The following KIRREL3 variants were observed in gnomAD, a reference collection of about 807,000 sequenced individuals.
KIRREL3 encodes the protein kin of IRRE-like protein 3.
In KIRREL3, 36 loss-of-function variants were observed where a neutral mutation model predicts 89.7. That is an observed-to-expected ratio of 0.40 (90% CI 0.31 to 0.53). KIRREL3 has a LOEUF of 0.53. Ranked by LOEUF, KIRREL3 falls within the 20% of genes least tolerant of loss-of-function variation. KIRREL3 has a pLI of 0.49. For missense variants in KIRREL3, 864 were observed against 1,056.6 expected, an observed-to-expected ratio of 0.82 and a Z score of 2.53; for synonymous variants, 445 against 441.4, an observed-to-expected ratio of 1.01 and a Z score of -0.10.
chr11:126,744,797 C>T lies in KIRREL3; in HGVS notation c.56-181885G>A, dbSNP rs1949089890. Among the ~76,000 whole-genome samples the T allele has an allele frequency of 1.3e-5, 2 of 151,556 alleles. 1 individual carries two copies. The highest frequency in any genetic ancestry group is 4.2e-4 in the South Asian group (2 of 4,798). ...GCCTTCCCTGCTAGAATATAGGCTT[C>T]ATGAGGCAGGTACTGTATTTGCCCT... is the stretch of plus-strand genomic sequence containing the variant. On this transcript the variant is annotated intron_variant, in intron 1 of 16. Coordinates refer to ENST00000525144, the MANE Select transcript of KIRREL3 (RefSeq NM_032531.4). The surrounding 1 kb of genome is among the most constrained non-coding windows in gnomAD (Gnocchi z 4.7).
intron 1 of KIRREL3, among the ~76,000 whole-genome samples, chr11:126,849,586 C>T (rs934010755): frequency 2.0e-5 from 3 of 152,128 alleles, no homozygotes; most frequent in Non-Finnish European, 4.4e-5. Context: ...CTTTCTATTT[C>T]TCCTGTCCCT....
At chr11:126,425,784 A>G in intron 15 of KIRREL3, 60 bp from the exon 16 acceptor site, 1 of 1,342,106 alleles carries the variant, frequency 7.5e-7, no homozygotes, top group Non-Finnish European at 1.0e-6. Context: ...ACTTCCCCCA[A>G]GGAAAAGATG....
Position 126,652,797 on chromosome 11 carries a change from G to A in KIRREL3, c.56-89885C>T, listed in dbSNP as rs965984356. ...ACTTTCCAGGCAATTCACCAGGACAGAGGCCTTTCAACTTTCCTCCCTGAG... is the reference window on the plus strand; with the variant it reads ...ACTTTCCAGGCAATTCACCAGGACAAAGGCCTTTCAACTTTCCTCCCTGAG... On this transcript the variant is annotated intron_variant, in intron 1 of 16. Transcript: ENST00000525144. The surrounding 1 kb of genome is among the most constrained non-coding windows in gnomAD (Gnocchi z 4.9). The A allele has an allele frequency of 2.0e-5, 3 of 152,134 alleles. No homozygotes were observed. The highest frequency in any genetic ancestry group is 4.4e-5 in the Non-Finnish European group (3 of 68,050). The allele number at this position is 152,134 out of a possible 1,614,324, so 9.4% of individuals were successfully genotyped here. A position where few individuals can be genotyped will look rare whatever the true frequency, so the allele number is the denominator to read the frequency against.
intron 1 of KIRREL3, among the ~76,000 whole-genome samples, chr11:126,932,598 C>T (rs780536315): frequency 7.9e-5 from 12 of 152,236 alleles, no homozygotes; most frequent in South Asian, 4.1e-4. Context: ...CTGTCTTGGA[C>T]GGTCCCTGCT....
At chr11:126,499,622 T>A (rs192895463) in intron 4 of KIRREL3, among the ~76,000 whole-genome samples, 1 of 152,268 alleles carries the variant, frequency 6.6e-6, no homozygotes, top group Admixed American at 6.5e-5. Flanking sequence ...ACGCCAAACA[T>A]CCCAAACGCT....
chr11:126,935,357 C>T (rs1228434714), intron 1 of KIRREL3: 1 of 151,596 alleles, frequency 6.6e-6, no homozygotes, highest in Non-Finnish European at 1.5e-5. Context: ...CTATATGTTC[C>T]AGCAGTTATT....
At chr11:126,458,365 T>G (rs1307846943) in intron 6 of KIRREL3, among the ~76,000 whole-genome samples, 1 of 152,238 alleles carries the variant, frequency 6.6e-6, no homozygotes, top group Non-Finnish European at 1.5e-5. Context: ...CCAGTTGGTC[T>G]GGGCTCTGGT....
In KIRREL3 at chr11:126,692,206, C is replaced by T. The variant is rs139141155; in HGVS notation, c.56-129294G>A. Among the ~76,000 whole-genome samples the T allele has an allele frequency of 8.5e-3, 1,290 of 152,154 alleles. 6 individuals are homozygous for T. The highest frequency in any genetic ancestry group is 0.011 in the Non-Finnish European group (724 of 68,014). On this transcript the variant is annotated intron_variant, in intron 1 of 16. Transcript: ENST00000525144. ...AAACATTAAAAGCAGGGTGTCGATT[C>T]GCACACCCACGTTCACAGCCACACT...
At chr11:126,895,474 A>T (rs1021388238) in intron 1 of KIRREL3, among the ~76,000 whole-genome samples, 16 of 151,682 alleles carry the variant, frequency 1.1e-4, no homozygotes, top group Non-Finnish European at 4.4e-5. Flanking sequence ...AAAAAAGGAA[A>T]AAAGAAAGAA....
intron 1 of KIRREL3, among the ~76,000 whole-genome samples, chr11:126,707,811 C>T (rs751234576): frequency 6.7e-6 from 1 of 149,632 alleles, no homozygotes; most frequent in Non-Finnish European, 1.5e-5. Flanking sequence ...CTCTTAAGTG[C>T]TTCCTCTTGG....
chr11:126,905,546 G>T lies in KIRREL3; in HGVS notation c.55+94909C>A, dbSNP rs75131380. On this transcript the variant is annotated intron_variant, in intron 1 of 16. Transcript: ENST00000525144. The surrounding 1 kb of genome is among the most constrained non-coding windows in gnomAD (Gnocchi z 5.0). ...GCTCAGGGGTCAGAGGGTGGGGAGA[G>T]GGATCTTTCATTTTGGGCCTTATCG... is the stretch of plus-strand genomic sequence containing the variant. Among the ~76,000 whole-genome samples, 1 of 152,042 alleles carries T rather than the reference G, an allele frequency of 6.6e-6. No individual in the cohort carries two copies. The highest frequency in any genetic ancestry group is 2.4e-5 in the African/African-American group (1 of 41,372).
Position 126,999,306 on chromosome 11 carries a change from G to A in KIRREL3, c.55+1149C>T, listed in dbSNP as rs1232193981. Among the ~76,000 whole-genome samples the A allele has an allele frequency of 6.6e-6, 1 of 152,220 alleles. No homozygotes were observed. The highest frequency in any genetic ancestry group is 1.5e-5 in the Non-Finnish European group (1 of 68,040). On this transcript the variant is annotated intron_variant, in intron 1 of 16. Transcript: ENST00000525144. The surrounding 1 kb of genome is among the most constrained non-coding windows in gnomAD (Gnocchi z 5.7). ...AGGAGAAAGTCTGCAGTGACCACAAGCACGGGTGGAAGAGCAGAAGAAGGA... is the reference window on the plus strand; with the variant it reads ...AGGAGAAAGTCTGCAGTGACCACAAACACGGGTGGAAGAGCAGAAGAAGGA...
intron 1 of KIRREL3, among the ~76,000 whole-genome samples, chr11:126,933,660 A>C (rs1410115373): frequency 6.6e-6 from 1 of 152,044 alleles, no homozygotes; most frequent in Admixed American, 6.6e-5. Context: ...GAAATCATCC[A>C]AAAATGGAAT....
rs576662478 is a variant in KIRREL3 at position 126,551,425 on chromosome 11, A to C, written c.133+11410T>G. On this transcript the variant is annotated intron_variant, in intron 2 of 16. Transcript: ENST00000525144. The surrounding 1 kb of genome is among the most constrained non-coding windows in gnomAD (Gnocchi z 4.9). ...CACCCAACATATGGCAAAAGACTGT[A>C]GCAAGGGCTATGGGAGTTATGAGCC... 2.6e-5 allele frequency among the ~76,000 whole-genome samples: 4 copies of C among 152,282 alleles called. No homozygotes were observed. The highest frequency in any genetic ancestry group is 2.9e-5 in the Non-Finnish European group (2 of 68,022).
chr11:126,628,047 A>G lies in KIRREL3; in HGVS notation c.56-65135T>C, dbSNP rs1454697313. Among the ~76,000 whole-genome samples the G allele has an allele frequency of 6.6e-6, 1 of 152,262 alleles. No homozygotes were observed. Among genetic ancestry groups the G allele is most frequent in the South Asian group, 2.1e-4 (1 of 4,836 alleles). Reference sequence around the variant, plus strand: ...TTCTAATGAGCAAATGACCTATACTATTCTGAAGGACAAGAAATGCTAAAT... The same window carrying G: ...TTCTAATGAGCAAATGACCTATACTGTTCTGAAGGACAAGAAATGCTAAAT... On this transcript the variant is annotated intron_variant, in intron 1 of 16. Coordinates refer to ENST00000525144, the MANE Select transcript of KIRREL3 (RefSeq NM_032531.4). This position sits in a 1 kb window ranked among gnomAD's most constrained non-coding sequence, Gnocchi z 5.2.
chr11:126,650,576 C>T (rs1944869522), intron 1 of KIRREL3, among the ~76,000 whole-genome samples: 1 of 152,324 alleles, frequency 6.6e-6, no homozygotes, highest in African/African-American at 2.4e-5. Flanking sequence ...ATCTCCTTTG[C>T]TCCATTTCCA....
At position 126,843,754 on chromosome 11, in the gene KIRREL3, G is replaced by T. The variant is rs1368125262; in HGVS notation, c.55+156701C>A. Among the ~76,000 whole-genome samples the T allele has an allele frequency of 6.6e-6, 1 of 152,158 alleles. No homozygotes were observed. Among genetic ancestry groups the T allele is most frequent in the African/African-American group, 2.4e-5 (1 of 41,442 alleles). On this transcript the variant is annotated intron_variant, in intron 1 of 16. Coordinates refer to ENST00000525144, the MANE Select transcript of KIRREL3 (RefSeq NM_032531.4). The surrounding 1 kb of genome is among the most constrained non-coding windows in gnomAD (Gnocchi z 4.6). ...GACTTTGCTGATAAAACAGCTTACA[G>T]TAAAAAAGCTGGCTAAAACCCACCA...
intron 2 of KIRREL3, among the ~76,000 whole-genome samples, chr11:126,536,343 A>G: frequency 6.6e-6 from 1 of 152,094 alleles, no homozygotes; most frequent in East Asian, 1.9e-4. Flanking sequence ...TCTGACTCAG[A>G]GGAGCCGTTG....
In KIRREL3 at chr11:126,991,999, G is replaced by A. The variant is rs1174732699; in HGVS notation, c.55+8456C>T. On this transcript the variant is annotated intron_variant, in intron 1 of 16. Transcript: ENST00000525144. This position sits in a 1 kb window ranked among gnomAD's most constrained non-coding sequence, Gnocchi z 5.8. ...CTCATTACTTCTGCTGATGAAATGA[G>A]GTAGTGCTTGTGAAAGCCACTCTGC... Among the ~76,000 whole-genome samples, 1 of 152,176 alleles carries A rather than the reference G, an allele frequency of 6.6e-6. No individual in the cohort carries two copies. The highest frequency in any genetic ancestry group is 1.5e-5 in the Non-Finnish European group (1 of 68,030).
Sources: allele counts gnomAD v4.1 joint callset (sites outside exome capture counted in the v4.1 genomes callset), GRCh38; gene constraint gnomAD v4.1.1; non-coding constraint Gnocchi (gnomAD v3.1); transcripts MANE v1.5; gene names NCBI Gene and HGNC (gene_info 2026-07-23, HGNC 2026-07-21).